Variants in PARN observed in about 807,000 individuals in gnomAD.
The protein encoded by PARN is poly(A)-specific ribonuclease, also known as poly(A)-specific ribonuclease PARN.
PARN carries 71 observed loss-of-function variants against 102.8 expected under a neutral mutation model. That is an observed-to-expected ratio of 0.69 (90% CI 0.57 to 0.84). The LOEUF (loss-of-function observed/expected upper bound fraction) is 0.84, where lower values mean the gene tolerates loss of function less well. PARN is among the 40% of genes least tolerant of loss of function. The probability of loss-of-function intolerance (pLI) is 0.00; values close to 1 mark genes in which losing one functional copy is unlikely to be tolerated. For synonymous variants in PARN, 261 were observed against 252.9 expected (o/e 1.03, Z -0.30); for missense variants, 782 against 760.9 (o/e 1.03, Z -0.33).
chr16:14,540,516 T>C (rs898627858), intron 21 of PARN, among the ~76,000 whole-genome samples: 14 of 152,188 alleles, frequency 9.2e-5, no homozygotes, highest in Non-Finnish European at 1.6e-4. Flanking sequence ...GAAATGAACT[T>C]GAGTCACTTT....
At chr16:14,461,549 T>C (rs986006854) in intron 22 of PARN, among the ~76,000 whole-genome samples, 1 of 152,230 alleles carries the variant, frequency 6.6e-6, no homozygotes, top group African/African-American at 2.4e-5. Flanking sequence ...GTGCTGGCGT[T>C]ACTTCTTCTG....
chr16:14,496,669 G>A (rs1365943731), intron 21 of PARN, among the ~76,000 whole-genome samples: 1 of 152,134 alleles, frequency 6.6e-6, no homozygotes, highest in African/African-American at 2.4e-5. Flanking sequence ...GATCCTAAAC[G>A]TCAAGAACTC....
chr16:14,537,983 G>A (rs1966683582), intron 21 of PARN, among the ~76,000 whole-genome samples: 1 of 152,110 alleles, frequency 6.6e-6, no homozygotes, highest in South Asian at 2.1e-4. Context: ...TCTTTGACAT[G>A]ATGGATATGC....
intron 2 of PARN, among the ~76,000 whole-genome samples, 197 bp from the exon 3 acceptor site, chr16:14,628,448 C>T (rs896896595): frequency 1.3e-5 from 2 of 152,114 alleles, no homozygotes; most frequent in Admixed American, 1.3e-4. Flanking sequence ...CTTAGAGATG[C>T]GAATGTTTCA....
At chr16:14,516,055 A>AG (rs1210330152) in intron 21 of PARN, among the ~76,000 whole-genome samples, 1 of 152,168 alleles carries the variant, frequency 6.6e-6, no homozygotes, top group Non-Finnish European at 1.5e-5. Flanking sequence ...ACTCAAAAAA[A>AG]ATTAGATATA....
At chr16:14,536,819 A>G (rs928484391) in intron 21 of PARN, among the ~76,000 whole-genome samples, 3 of 152,218 alleles carry the variant, frequency 2.0e-5, no homozygotes, top group African/African-American at 4.8e-5. Flanking sequence ...AATGTTAAAC[A>G]TAAGACTCAA....
chr16:14,604,163 TCTG>T lies in PARN; in HGVS notation c.763_765del (p.Gln255del). 1 of 1,600,520 alleles carries T rather than the reference TCTG, an allele frequency of 6.2e-7. No individual in the cohort carries two copies. The highest frequency in any genetic ancestry group is 8.5e-7 in the Non-Finnish European group (1 of 1,171,490). On this transcript the variant is annotated inframe_deletion, in exon 11 of 24. Transcript: ENST00000437198. ...CCAATTACCTGTTCTTTGGCATGTT[TCTG>T]CTGCTCTCTTCTTTTGCGTTCTTCT...
intron 22 of PARN, 90 bp downstream of exon 22, chr16:14,482,548 C>A: frequency 2.0e-6 from 2 of 1,002,102 alleles, no homozygotes; most frequent in South Asian, 1.8e-5. Flanking sequence ...TCCCAAAAGT[C>A]AGATTTAGTA....
intron 21 of PARN, among the ~76,000 whole-genome samples, chr16:14,506,319 G>C (rs1237316819): frequency 6.6e-6 from 1 of 152,202 alleles, no homozygotes; most frequent in African/African-American, 2.4e-5. Flanking sequence ...ACAAGACTTT[G>C]ACTGGAGCTT....
chr16:14,455,994 T>C (rs1961662792), intron 22 of PARN, among the ~76,000 whole-genome samples: 1 of 152,170 alleles, frequency 6.6e-6, no homozygotes, highest in Admixed American at 6.5e-5. Context: ...CAATTTGGAA[T>C]AAGAGACAAA....
At chr16:14,522,340 G>C (rs1965780301) in intron 21 of PARN, among the ~76,000 whole-genome samples, 1 of 152,148 alleles carries the variant, frequency 6.6e-6, no homozygotes, top group Non-Finnish European at 1.5e-5. Context: ...AGGATAATTA[G>C]AACTTTTTTT....
At chr16:14,594,954 C>A (rs560714797) in intron 12 of PARN, among the ~76,000 whole-genome samples, 2 of 152,196 alleles carry the variant, frequency 1.3e-5, no homozygotes, top group East Asian at 3.9e-4. Flanking sequence ...TAGGTAACCC[C>A]AAATGGAATG....
intron 21 of PARN, among the ~76,000 whole-genome samples, chr16:14,540,009 A>G (rs1347159020): frequency 6.6e-6 from 1 of 152,218 alleles, no homozygotes; most frequent in Non-Finnish European, 1.5e-5. Flanking sequence ...TACAGGTTAT[A>G]TGCAAAAATT....
At chr16:14,582,120 G>A (rs1969567571) in intron 17 of PARN, 61 bp downstream of exon 17, 1 of 981,740 alleles carries the variant, frequency 1.0e-6, no homozygotes, top group East Asian at 2.4e-5. Context: ...CCTAAGCCAG[G>A]AGACAGGTAA....
chr16:14,584,421 T>C lies in PARN; in HGVS notation c.1007A>G (p.Asp336Gly), dbSNP rs182753748. Reference sequence around the variant, plus strand: ...CGCAAGGGATGTGTTGTTAATGATATCCTGCAAACCACGAAGCAAAGAATT... The same window carrying C: ...CGCAAGGGATGTGTTGTTAATGATACCCTGCAAACCACGAAGCAAAGAATT... ...KLMASTQPFK[D>G]IINNTSLAEL... The change falls in exon 16 of 24, where the codon GAT becomes GGT. Residue 336 changes from aspartate (D) to glycine (G), a missense_variant and splice_region_variant. Coordinates refer to ENST00000437198, the MANE Select transcript of PARN (RefSeq NM_002582.4). The C allele has an allele frequency of 6.2e-7, 1 of 1,611,704 alleles. No homozygotes were observed. Among genetic ancestry groups the C allele is most frequent in the Non-Finnish European group, 8.5e-7 (1 of 1,178,248 alleles).
intron 22 of PARN, among the ~76,000 whole-genome samples, chr16:14,481,690 A>G (rs1462618824): frequency 6.6e-6 from 1 of 152,234 alleles, no homozygotes; most frequent in East Asian, 1.9e-4. Context: ...AATCTGAAAT[A>G]TTAACAGTGA....
intron 23 of PARN, among the ~76,000 whole-genome samples, chr16:14,442,013 A>G (rs1434713605): frequency 1.3e-5 from 2 of 152,100 alleles, no homozygotes; most frequent in African/African-American, 4.8e-5. Context: ...ATGTTAGGGG[A>G]AAAAAGACTT....
chr16:14,582,752 C>T (rs373316702), intron 16 of PARN, among the ~76,000 whole-genome samples: 5 of 152,006 alleles, frequency 3.3e-5, no homozygotes, highest in East Asian at 1.9e-4. Flanking sequence ...CACTTATTTG[C>T]GGTATGACCT....
intron 18 of PARN, among the ~76,000 whole-genome samples, chr16:14,556,350 G>A (rs1967689510): frequency 6.6e-6 from 1 of 151,264 alleles, no homozygotes; most frequent in Non-Finnish European, 1.5e-5. Context: ...AGTACAGATG[G>A]GGTTTCCCGA....
Sources: gnomAD v4.1 joint callset for allele counts (sites outside exome capture counted in the v4.1 genomes callset) on GRCh38, gnomAD v4.1.1 for gene constraint, MANE v1.5 for transcripts, NCBI Gene and HGNC (gene_info 2026-07-23, HGNC 2026-07-21) for gene names.